The following NCOR1 variants were observed in gnomAD, a reference collection of about 807,000 sequenced individuals.
NCOR1 encodes the protein nuclear receptor corepressor 1.
A neutral mutation model predicts 288.1 loss-of-function variants in NCOR1; 63 were observed. That is an observed-to-expected ratio of 0.22 (90% confidence interval 0.18 to 0.27). The LOEUF (loss-of-function observed/expected upper bound fraction) is 0.27. Among genes scored for constraint, NCOR1 ranks in the 10% least tolerant of loss-of-function variants. The probability of loss-of-function intolerance (pLI) is 1.00; values close to 1 mark genes in which losing one functional copy is unlikely to be tolerated. For missense variants in NCOR1, 2,397 were observed against 3,019.2 expected (o/e 0.79, Z 4.83); for synonymous variants, 1,007 against 1,065.9 (o/e 0.94, Z 1.08).
At chr17:16,110,491 T>C (rs1291274168) in intron 18 of NCOR1, among the ~76,000 whole-genome samples, 1 of 152,234 alleles carries the variant, frequency 6.6e-6, no homozygotes, top group East Asian at 1.9e-4. Context: ...AGAGTACATG[T>C]GTACACATTT....
In NCOR1 at chr17:16,057,723, T is replaced by C. The variant is rs1218780319; in HGVS notation, c.6183A>G (p.Gln2061=). 6.2e-7 allele frequency: 1 copy of C among 1,613,964 alleles called. No homozygotes were observed. Among genetic ancestry groups the C allele is most frequent in the Non-Finnish European group, 8.5e-7 (1 of 1,179,926 alleles). ...AGGAAACTTGATTTCTAGCAAAATCTTGTGTGATAATTTGCTGTGAATGAG... is the reference window on the plus strand; with the variant it reads ...AGGAAACTTGATTTCTAGCAAAATCCTGTGTGATAATTTGCTGTGAATGAG... The part of the protein sequence containing the change: ...LADHICQIIT[Q]DFARNQVSSQ... The change falls in exon 40 of 46, where the codon CAA becomes CAG. Residue 2061 remains glutamine (Q), a synonymous_variant. Coordinates refer to ENST00000268712, the MANE Select transcript of NCOR1 (RefSeq NM_006311.4).
intron 6 of NCOR1, among the ~76,000 whole-genome samples, chr17:16,156,160 G>A (rs771593265): frequency 6.6e-6 from 1 of 152,114 alleles, no homozygotes; most frequent in African/African-American, 2.4e-5. Flanking sequence ...AAGAGGCCTG[G>A]TGCAGTGGCT....
chr17:16,044,608 A>G, intron 42 of NCOR1: 1 of 589,378 alleles, frequency 1.7e-6, no homozygotes, highest in Admixed American at 2.0e-5. Context: ...CCAGCCCCAC[A>G]CTTGCCCATA....
chr17:16,138,278 C>T lies in NCOR1; in HGVS notation c.1353-66G>A, dbSNP rs1029782125. The T allele has an allele frequency of 1.8e-4, 243 of 1,319,348 alleles. 3 individuals carry two copies. In the African/African-American group the frequency reaches 3.3e-3, roughly 18 times the overall value. 81.7% of individuals were successfully genotyped at this position (1,319,348 alleles called of 1,614,324 possible). A position where few individuals can be genotyped will look rare whatever the true frequency, so the allele number is the denominator to read the frequency against. On this transcript the variant is annotated intron_variant, in intron 12 of 45. Coordinates refer to ENST00000268712, the MANE Select transcript of NCOR1 (RefSeq NM_006311.4). Reference sequence around the variant, plus strand: ...ATTTCAACAACTAAAAAAAAAAAAACTTGGGAAAAGAAAGACTATGTATAG... The same window carrying T: ...ATTTCAACAACTAAAAAAAAAAAAATTTGGGAAAAGAAAGACTATGTATAG...
In NCOR1 at chr17:16,211,149, T is replaced by C. The variant is rs539978688; in HGVS notation, c.-71+4213A>G. Among the ~76,000 whole-genome samples, 140 of 152,320 alleles carry C rather than the reference T, an allele frequency of 9.2e-4. No homozygotes were observed. In the Middle Eastern group the frequency reaches 0.01, roughly 11 times the overall value. On this transcript the variant is annotated intron_variant, in intron 1 of 45. Coordinates refer to ENST00000268712, the MANE Select transcript of NCOR1 (RefSeq NM_006311.4). ...CTGCTATTGCCCAACTTTAGCAACTTAGGCAGGTAAATCACTTCACTTCTC... is the reference window on the plus strand; with the variant it reads ...CTGCTATTGCCCAACTTTAGCAACTCAGGCAGGTAAATCACTTCACTTCTC...
chr17:16,153,142 G>C (rs1356721544), intron 7 of NCOR1, among the ~76,000 whole-genome samples, 197 bp downstream of exon 7: 1 of 152,154 alleles, frequency 6.6e-6, no homozygotes, highest in Non-Finnish European at 1.5e-5. Context: ...AACAAGCTCA[G>C]GGTGATGTTT....
At chr17:16,054,044 C>G (rs1457462227) in intron 40 of NCOR1, among the ~76,000 whole-genome samples, 1 of 122,124 alleles carries the variant, frequency 8.2e-6, no homozygotes, top group East Asian at 2.5e-4. Context: ...ATAAAATTAA[C>G]TCAAGATGGA....
intron 14 of NCOR1, among the ~76,000 whole-genome samples, chr17:16,135,198 G>A (rs1599189079): frequency 7.0e-6 from 1 of 143,172 alleles, no homozygotes; most frequent in South Asian, 2.3e-4. Context: ...GCTGAAACTT[G>A]TTTAAAACAT....
intron 1 of NCOR1, among the ~76,000 whole-genome samples, chr17:16,209,195 G>A (rs969516361): frequency 1.1e-4 from 16 of 152,100 alleles, no homozygotes; most frequent in Non-Finnish European, 1.6e-4. Context: ...CTTCCTGGAT[G>A]ATGTAATATG....
At chr17:16,132,987 C>CA (rs1290539217) in intron 14 of NCOR1, among the ~76,000 whole-genome samples, 2 of 149,486 alleles carry the variant, frequency 1.3e-5, no homozygotes, top group Non-Finnish European at 3.0e-5. Flanking sequence ...CTTTTTTTTC[C>CA]AGACGGGGTC....
At chr17:16,181,779 T>A (rs1358680754) in intron 3 of NCOR1, among the ~76,000 whole-genome samples, 3 of 152,172 alleles carry the variant, frequency 2.0e-5, no homozygotes, top group African/African-American at 7.2e-5. Context: ...CAGGATATGG[T>A]CAGTACCAAC....
chr17:16,073,314 T>C (rs1201330923), intron 28 of NCOR1, 115 bp downstream of exon 28: 4 of 943,696 alleles, frequency 4.2e-6, no homozygotes, highest in Non-Finnish European at 6.0e-6. Context: ...CAACTTAATA[T>C]AAATATACAT....
chr17:16,145,442 T>C (rs1234399827), intron 10 of NCOR1, among the ~76,000 whole-genome samples: 12 of 123,476 alleles, frequency 9.7e-5, no homozygotes, highest in Non-Finnish European at 2.2e-4. Context: ...GCCCATCGTC[T>C]GGGATGTGGG....
rs1374735625 is a variant in NCOR1, at chr17:16,138,176, T to C, written c.1389A>G (p.Ala463=). 3 of 1,613,124 alleles carry C rather than the reference T, an allele frequency of 1.9e-6. No individual in the cohort carries two copies. Among genetic ancestry groups the C allele is most frequent in the Admixed American group, 1.7e-5 (1 of 59,950 alleles). ...IQHPKNFGLI[A]SYLERKSVPD... ...GTCTTACCTTCCTCTCCAAGTATGA[T>C]GCAATTAGTCCAAAGTTTTTTGGAT... The change falls in exon 13 of 46, where the codon GCA becomes GCG. Residue 463 remains alanine (A), a synonymous_variant. Transcript: ENST00000268712.
intron 7 of NCOR1, 52 bp downstream of exon 7, chr17:16,153,287 T>A (rs1169665299): frequency 3.8e-6 from 5 of 1,313,968 alleles, no homozygotes; most frequent in Non-Finnish European, 5.4e-6. Context: ...CAAGAAAAAC[T>A]ACCACCAAAA....
Position 16,057,969 on chromosome 17 carries a change from C to T in NCOR1, c.6106G>A (p.Ala2036Thr), listed in dbSNP as rs191777958. 6.2e-7 allele frequency: 1 copy of T among 1,614,110 alleles called. No individual in the cohort carries two copies. The highest frequency in any genetic ancestry group is 2.2e-5 in the East Asian group (1 of 44,888). The part of the protein sequence containing the change: ...PQQQLPPSSQ[A>T]EGMGQVPRTH... ...CTGGGCACTTGCCCCATTCCCTCTGCCTGTGAAGAAGGGGGCAGCTGTTGT... is the reference window on the plus strand; with the variant it reads ...CTGGGCACTTGCCCCATTCCCTCTGTCTGTGAAGAAGGGGGCAGCTGTTGT... The change falls in exon 39 of 46, where the codon GCA (alanine) becomes ACA (threonine). Residue 2036 changes from alanine to threonine, a missense_variant. Physicochemically the swap from Ala to Thr is moderately conservative, Grantham distance 58. This residue lies in a region of NCOR1 where 1,872 missense variants were observed against 2,187.8 expected (regional missense o/e 0.86). Coordinates refer to ENST00000268712, the MANE Select transcript of NCOR1 (RefSeq NM_006311.4).
intron 26 of NCOR1, 98 bp from the exon 27 acceptor site, chr17:16,075,800 T>TA (rs2062371936): frequency 3.8e-6 from 5 of 1,314,862 alleles, no homozygotes; most frequent in South Asian, 1.4e-5. Flanking sequence ...GTCAGGCTAA[T>TA]CTATAGCTTC....
chr17:16,030,504 A>T lies in NCOR1; in HGVS notation c.*1792T>A. ...TATTACCAGTACCTGAAAAAAAAAAATTCAGCAGAAAACTGTGAAGTGGAA... is the reference window on the plus strand; with the variant it reads ...TATTACCAGTACCTGAAAAAAAAAATTTCAGCAGAAAACTGTGAAGTGGAA... On this transcript the variant is annotated 3_prime_UTR_variant, in exon 46 of 46. Coordinates refer to ENST00000268712, the MANE Select transcript of NCOR1 (RefSeq NM_006311.4). 1 of 197,990 alleles carries T rather than the reference A, an allele frequency of 5.1e-6. No homozygotes were observed. The highest frequency in any genetic ancestry group is 7.8e-5 in the East Asian group (1 of 12,760). The allele number at this position is 197,990 out of a possible 1,614,324, so 12.3% of individuals were successfully genotyped here. A position where few individuals can be genotyped will look rare whatever the true frequency, so the allele number is the denominator to read the frequency against.
At chr17:16,134,774 T>C (rs1001989024) in intron 14 of NCOR1, among the ~76,000 whole-genome samples, 23 of 152,216 alleles carry the variant, frequency 1.5e-4, no homozygotes, top group Admixed American at 7.2e-4. Context: ...CTTACGTTAA[T>C]GTAGGACTGA....
Sources: gnomAD v4.1 joint callset for allele counts (sites outside exome capture counted in the v4.1 genomes callset) on GRCh38, gnomAD v4.1.1 for gene constraint, gnomAD v4.1.1 regional missense constraint, MANE v1.5 for transcripts, NCBI Gene and HGNC (gene_info 2026-07-23, HGNC 2026-07-21) for gene names.